Variants in TMF1 observed in about 807,000 individuals in gnomAD.
TMF1 encodes TATA element modulatory factor 1.
TMF1 carries 71 observed loss-of-function variants against 126.5 expected under a neutral mutation model. The observed-to-expected ratio is 0.56, with a 90% CI of 0.46 to 0.68. The LOEUF (loss-of-function observed/expected upper bound fraction) is 0.68, where lower values mean the gene tolerates loss of function less well. TMF1 is among the 30% of genes least tolerant of loss of function. TMF1 has a pLI of 0.00. For synonymous variants in TMF1, 461 were observed against 430.5 expected, an observed-to-expected ratio of 1.07 and a Z score of -0.88; for missense variants, 1,259 against 1,253.2, an observed-to-expected ratio of 1.00 and a Z score of -0.07.
chr3:69,037,313 T>G (rs1207199159), intron 8 of TMF1, among the ~76,000 whole-genome samples: 1 of 151,644 alleles, frequency 6.6e-6, no homozygotes, highest in East Asian at 1.9e-4. Context: ...GCTAACACGC[T>G]GAAACCCCAT....
intron 12 of TMF1, 55 bp from the exon 13 acceptor site, chr3:69,028,047 TAA>T: frequency 8.3e-7 from 1 of 1,202,528 alleles, no homozygotes; most frequent in Admixed American, 2.0e-5. Flanking sequence ...CATGCCATGA[TAA>T]GTCAATCTCA....
chr3:69,024,762 C>T (rs1047399877), intron 15 of TMF1: 2 of 148,642 alleles, frequency 1.3e-5, no homozygotes, highest in Non-Finnish European at 3.0e-5. Flanking sequence ...AAAGAGGTAT[C>T]CTGATTCAAA....
At position 69,030,016 on chromosome 3, in the gene TMF1, A is replaced by G. The variant is rs1217266269; in HGVS notation, c.2402-9T>C. The G allele has an allele frequency of 6.3e-7, 1 of 1,597,370 alleles. No homozygotes were observed. Among genetic ancestry groups the G allele is most frequent in the Middle Eastern group, 1.7e-4 (1 of 5,950 alleles). ...CAAGGTCTGGGATTCACCTGATTACAGGACAGAAAAAAAAATCACATACAC... is the reference window on the plus strand; with the variant it reads ...CAAGGTCTGGGATTCACCTGATTACGGGACAGAAAAAAAAATCACATACAC... On this transcript the variant is annotated splice_polypyrimidine_tract_variant and intron_variant, in intron 10 of 16. Transcript: ENST00000398559.
At position 69,039,660 on chromosome 3, in the gene TMF1, G is replaced by A; in HGVS notation, c.1718C>T (p.Ser573Phe). 1 of 1,612,990 alleles carries A rather than the reference G, an allele frequency of 6.2e-7. No individual in the cohort carries two copies. Among genetic ancestry groups the A allele is most frequent in the East Asian group, 2.2e-5 (1 of 44,794 alleles). The change falls in exon 6 of 17, where the codon TCT (serine) becomes TTT (phenylalanine). Residue 573 changes from serine to phenylalanine, a missense_variant. Coordinates refer to ENST00000398559, the MANE Select transcript of TMF1 (RefSeq NM_007114.3). The part of the protein sequence containing the change: ...EKLSKQQLHN[S>F]NIIKKLRAKD... The stretch of plus-strand genomic sequence containing the variant: ...AGCTCTTAATTTCTTGATGATGTTA[G>A]AATTGTGCAGCTGCTGTTTTGAAAG...
chr3:69,037,180 C>A (rs557850616), intron 8 of TMF1, among the ~76,000 whole-genome samples: 1 of 152,278 alleles, frequency 6.6e-6, no homozygotes, highest in African/African-American at 2.4e-5. Context: ...GAAAAGACAT[C>A]CAACATCATT....
At position 69,039,683 on chromosome 3, in the gene TMF1, A is replaced by C; in HGVS notation, c.1695T>G (p.Leu565=). The C allele has an allele frequency of 6.2e-7, 1 of 1,610,342 alleles. No homozygotes were observed. The highest frequency in any genetic ancestry group is 8.5e-7 in the Non-Finnish European group (1 of 1,179,052). Residue 565 remains leucine, a synonymous_variant, in exon 6 of 17, where the codon CTT becomes CTG. Coordinates refer to ENST00000398559, the MANE Select transcript of TMF1 (RefSeq NM_007114.3). ...TAGAATTGTGCAGCTGCTGTTTTGA[A>C]AGTTTTTCTCCTGGTGATGGTAAAG... ...IRGLMEEGEK[L]SKQQLHNSNI... is the part of the protein sequence containing the mutation.
At position 69,029,878 on chromosome 3, in the gene TMF1, C is replaced by G. The variant is rs886815302; in HGVS notation, c.2531G>C (p.Arg844Thr). The G allele has an allele frequency of 6.2e-7, 1 of 1,613,954 alleles. No homozygotes were observed. Among genetic ancestry groups the G allele is most frequent in the Non-Finnish European group, 8.5e-7 (1 of 1,179,992 alleles). ...CTCTGATTCTAGCTGGGCTTGAAAT[C>G]TACTGTTTTCCTGTCTTAAAAGAGA... ...QNSLLRQENSRFQAQLESEKN... is the reference protein window; with the variant it reads ...QNSLLRQENSTFQAQLESEKN... Residue 844 changes from arginine (R) to threonine (T), a missense_variant, in exon 11 of 17, where the codon AGA becomes ACA. Transcript: ENST00000398559.
rs568929420 is a variant in TMF1 at position 69,047,288 on chromosome 3, T to C, written c.1347+70A>G. ...ATAAATTATTATGCATCAATGAAAG[T>C]ATTTTTTAAAACAAATGATTTAATC... On this transcript the variant is annotated intron_variant, in intron 2 of 16. Coordinates refer to ENST00000398559, the MANE Select transcript of TMF1 (RefSeq NM_007114.3). The C allele has an allele frequency of 1.9e-5, 28 of 1,476,192 alleles. 1 individual carries two copies. The African/African-American group carries it at 2.5e-4, about 13-fold the overall frequency. 91.4% of individuals were successfully genotyped at this position (1,476,192 alleles called of 1,614,324 possible).
At chr3:69,028,947 A>C (rs1194110657) in intron 11 of TMF1, among the ~76,000 whole-genome samples, 1 of 152,194 alleles carries the variant, frequency 6.6e-6, no homozygotes, top group African/African-American at 2.4e-5. Flanking sequence ...CCTGGAAAAA[A>C]AAATAAATAC....
chr3:69,050,574 C>T (rs192762507), intron 1 of TMF1, among the ~76,000 whole-genome samples: 2 of 152,142 alleles, frequency 1.3e-5, no homozygotes, highest in East Asian at 1.9e-4. Flanking sequence ...GGGCATTTTC[C>T]GAAAACAAAT....
chr3:69,042,326 CCA>C, intron 5 of TMF1: 2 of 455,794 alleles, frequency 4.4e-6, no homozygotes, highest in Non-Finnish European at 8.8e-6. Context: ...TCATAAGCCA[CCA>C]CACTCAGCCA....
rs940261560 is a variant in TMF1, at chr3:69,019,917, T to C, written c.*3260A>G. Reference sequence around the variant, plus strand: ...AAAATATATCAATCTGTAGTTTAAATCATACTTTCAGCCCTTTACAAAATA... The same window carrying C: ...AAAATATATCAATCTGTAGTTTAAACCATACTTTCAGCCCTTTACAAAATA... On this transcript the variant is annotated 3_prime_UTR_variant, in exon 17 of 17. Coordinates refer to ENST00000398559, the MANE Select transcript of TMF1 (RefSeq NM_007114.3). The C allele has an allele frequency of 6.6e-6, 1 of 152,138 alleles. No individual in the cohort carries two copies. The highest frequency in any genetic ancestry group is 2.4e-5 in the African/African-American group (1 of 41,454). 9.4% of individuals were successfully genotyped at this position (152,138 alleles called of 1,614,324 possible).
intron 11 of TMF1, among the ~76,000 whole-genome samples, chr3:69,028,499 A>C (rs756055938): frequency 1.3e-5 from 2 of 152,334 alleles, no homozygotes; most frequent in South Asian, 2.1e-4. Context: ...AAAAAGCTCC[A>C]CTTCTGTGCA....
chr3:69,035,249 A>T, intron 8 of TMF1, 134 bp from the exon 9 acceptor site: 2 of 665,168 alleles, frequency 3.0e-6, no homozygotes, highest in East Asian at 2.7e-5. Flanking sequence ...ACTTTTACAT[A>T]TGATTATCAC....
At position 69,047,657 on chromosome 3, in the gene TMF1, C is replaced by A. The variant is rs771208458; in HGVS notation, c.1048G>T (p.Gly350Cys). Residue 350 changes from glycine to cysteine, a missense_variant, in exon 2 of 17, where the codon GGC becomes TGC. By Grantham distance (159) the Gly-to-Cys change is radical. Coordinates refer to ENST00000398559, the MANE Select transcript of TMF1 (RefSeq NM_007114.3). ...ATAGGCACTAAAGCATATCCCTTGC[C>A]TGACAATTCATCATCTGAATTGATT... ...SEINSDDELS[G>C]KGYALVPIIV... The A allele has an allele frequency of 1.9e-6, 3 of 1,613,986 alleles. No individual in the cohort carries two copies. In the African/African-American group the frequency reaches 4.0e-5, roughly 22 times the overall value.
chr3:69,040,978 G>A (rs1163909397), intron 5 of TMF1, among the ~76,000 whole-genome samples: 1 of 151,120 alleles, frequency 6.6e-6, no homozygotes, highest in Non-Finnish European at 1.5e-5. Flanking sequence ...ATACCCTTTT[G>A]TGAAATGTAA....
At chr3:69,033,742 C>G (rs542989645) in intron 9 of TMF1, 38 bp from the exon 10 acceptor site, 1 of 1,528,788 alleles carries the variant, frequency 6.5e-7, no homozygotes, top group Non-Finnish European at 8.8e-7. Context: ...CCAATGACAG[C>G]AATAAAAACA....
intron 13 of TMF1, among the ~76,000 whole-genome samples, chr3:69,027,006 A>AT (rs987486048): frequency 6.6e-6 from 1 of 151,540 alleles, no homozygotes; most frequent in Non-Finnish European, 1.5e-5. Flanking sequence ...ATTTATTTTT[A>AT]TTTTTTTGAG....
At position 69,022,342 on chromosome 3, in the gene TMF1, C is replaced by CT. The variant is rs1424884306; in HGVS notation, c.*834dup. 1.3e-5 allele frequency: 2 copies of CT among 152,078 alleles called. No individual in the cohort carries two copies. The highest frequency in any genetic ancestry group is 3.8e-4 in the East Asian group (2 of 5,196). 9.4% of individuals were successfully genotyped at this position (152,078 alleles called of 1,614,324 possible). ...TTTAAAGAGTAAATTATGTTAAGAACTTTATTATTTTCGATTCATTTTATA... is the reference window on the plus strand; with the variant it reads ...TTTAAAGAGTAAATTATGTTAAGAACTTTTATTATTTTCGATTCATTTTATA... On this transcript the variant is annotated 3_prime_UTR_variant, in exon 17 of 17. Coordinates refer to ENST00000398559, the MANE Select transcript of TMF1 (RefSeq NM_007114.3).
Sources: allele counts gnomAD v4.1 joint callset (sites outside exome capture counted in the v4.1 genomes callset), GRCh38; gene constraint gnomAD v4.1.1; transcripts MANE v1.5; gene names NCBI Gene and HGNC (gene_info 2026-07-23, HGNC 2026-07-21).